The following NRXN1 variants were observed in gnomAD, a reference collection of about 807,000 sequenced individuals.
The protein encoded by NRXN1 is neurexin-1.
NRXN1 carries 39 observed loss-of-function variants against 150.9 expected under a neutral mutation model. The ratio of observed to expected loss-of-function variants is 0.26; its 90% CI spans 0.20 to 0.34. The LOEUF is 0.34. NRXN1 is among the 10% of genes least tolerant of loss of function. The pLI, the probability that NRXN1 is intolerant of heterozygous loss-of-function variation, is 1.00. For synonymous variants in NRXN1, 924 were observed against 757.0 expected (o/e 1.22, Z -3.62); for missense variants, 1,815 against 1,949.9 (o/e 0.93, Z 1.30).
intron 17 of NRXN1, among the ~76,000 whole-genome samples, chr2:50,276,539 C>T (rs913849558): frequency 6.6e-6 from 1 of 152,170 alleles, no homozygotes; most frequent in South Asian, 2.1e-4. Flanking sequence ...AATGGGAATA[C>T]TTACCCTTGG....
intron 18 of NRXN1, among the ~76,000 whole-genome samples, chr2:50,093,473 G>GAA (rs11413489): frequency 8.4e-4 from 119 of 141,024 alleles, no homozygotes; most frequent in Middle Eastern, 3.7e-3. Context: ...AAAAGAAAAA[G>GAA]AAAAAAAAAA....
At chr2:50,250,203 G>T (rs2066908947) in intron 17 of NRXN1, among the ~76,000 whole-genome samples, 1 of 151,948 alleles carries the variant, frequency 6.6e-6, no homozygotes, top group South Asian at 2.1e-4. Context: ...ATGGTAACTT[G>T]GACTACCTTA....
chr2:50,303,543 G>C (rs1554424), intron 17 of NRXN1, among the ~76,000 whole-genome samples: 85,974 of 151,856 alleles, frequency 0.57, 24,535 homozygotes, highest in Non-Finnish European at 0.58. Context: ...TCCACACTTG[G>C]TTATCCCTCT....
At chr2:50,360,284 G>A (rs2079096005) in intron 17 of NRXN1, among the ~76,000 whole-genome samples, 1 of 152,196 alleles carries the variant, frequency 6.6e-6, no homozygotes, top group African/African-American at 2.4e-5. Flanking sequence ...ATGTAAATGG[G>A]CCAAATGCCC....
intron 2 of NRXN1, among the ~76,000 whole-genome samples, chr2:50,956,852 G>A (rs976064785): frequency 2.0e-5 from 3 of 152,068 alleles, no homozygotes; most frequent in Non-Finnish European, 2.9e-5. Context: ...CAAACTCAAT[G>A]AGGAGGTAAT....
Position 50,653,384 on chromosome 2 carries a change from C to A in NRXN1, c.833-29769G>T, listed in dbSNP as rs534243867. Among the ~76,000 whole-genome samples the A allele has an allele frequency of 5.4e-4, 82 of 152,082 alleles. 1 individual carries two copies. The highest frequency in any genetic ancestry group is 1.8e-3 in the African/African-American group (74 of 41,538). On this transcript the variant is annotated intron_variant, in intron 5 of 22. Coordinates refer to ENST00000401669, the MANE Select transcript of NRXN1 (RefSeq NM_001330078.2). ...GTTTGCCTTATATAGTCGTATTTGG[C>A]AGCTTTCAGTCTCTTAATGGCTGGA...
chr2:50,385,708 C>A (rs2081288178), intron 17 of NRXN1, among the ~76,000 whole-genome samples: 1 of 152,114 alleles, frequency 6.6e-6, no homozygotes, highest in Admixed American at 6.6e-5. Flanking sequence ...ACCTTCATCA[C>A]TTAGAATACC....
At chr2:50,434,798 A>G (rs2085288864) in intron 17 of NRXN1, among the ~76,000 whole-genome samples, 3 of 150,480 alleles carry the variant, frequency 2.0e-5, no homozygotes, top group South Asian at 4.1e-4. Context: ...TGCTCTCATA[A>G]GACTATTTTT....
At chr2:50,290,816 C>T (rs1247576365) in intron 17 of NRXN1, among the ~76,000 whole-genome samples, 1 of 152,022 alleles carries the variant, frequency 6.6e-6, no homozygotes, top group Non-Finnish European at 1.5e-5. Flanking sequence ...AACATGGGGC[C>T]AAGAAAGGAA....
At chr2:50,274,142 A>G (rs1012122432) in intron 17 of NRXN1, among the ~76,000 whole-genome samples, 1 of 152,176 alleles carries the variant, frequency 6.6e-6, no homozygotes, top group Non-Finnish European at 1.5e-5. Context: ...TCCATCAATG[A>G]CAGACTGGAT....
intron 2 of NRXN1, among the ~76,000 whole-genome samples, chr2:50,956,075 G>A (rs1293358929): frequency 5.9e-5 from 9 of 152,064 alleles, no homozygotes; most frequent in African/African-American, 2.2e-4. Context: ...TTCCAGGGAA[G>A]CAAGGCTAAT....
Position 50,552,726 on chromosome 2 carries a change from G to A in NRXN1, c.1620C>T (p.Phe540=), listed in dbSNP as rs1667707843. Residue 540 remains phenylalanine, a synonymous_variant, in exon 9 of 23, where the codon TTC becomes TTT. Transcript: ENST00000401669. ...AKHPQMIKVD[F]FAIEMLDGHL... ...GGCCATCTAGCATCTCAATAGCAAA[G>A]AAGTCCACCTTTATCATCTGTGGGT... is the stretch of plus-strand genomic sequence containing the variant. 1 of 1,613,826 alleles carries A rather than the reference G, an allele frequency of 6.2e-7. No individual in the cohort carries two copies. Among genetic ancestry groups the A allele is most frequent in the Non-Finnish European group, 8.5e-7 (1 of 1,179,876 alleles).
chr2:50,326,523 A>T (rs2076394312), intron 17 of NRXN1, among the ~76,000 whole-genome samples: 1 of 152,188 alleles, frequency 6.6e-6, no homozygotes, highest in Non-Finnish European at 1.5e-5. Flanking sequence ...GAAGAGAAAG[A>T]TGGAAATACC....
At chr2:50,237,701 C>T (rs2065591386) in intron 17 of NRXN1, among the ~76,000 whole-genome samples, 1 of 151,794 alleles carries the variant, frequency 6.6e-6, no homozygotes, top group South Asian at 2.1e-4. Flanking sequence ...TCAAATTTTA[C>T]CTTATGGTTG....
intron 5 of NRXN1, among the ~76,000 whole-genome samples, chr2:50,775,854 A>T (rs913531700): frequency 7.9e-5 from 12 of 152,226 alleles, no homozygotes; most frequent in African/African-American, 2.6e-4. Flanking sequence ...CTCTCAGTTT[A>T]TCCAGGGTGA....
intron 18 of NRXN1, among the ~76,000 whole-genome samples, chr2:50,147,927 C>G (rs2058445352): frequency 6.6e-6 from 1 of 151,562 alleles, no homozygotes; most frequent in Non-Finnish European, 1.5e-5. Flanking sequence ...GGAATCCTAG[C>G]TTACAAAGTC....
chr2:50,418,809 T>TA (rs1342652364), intron 17 of NRXN1, among the ~76,000 whole-genome samples: 3 of 152,106 alleles, frequency 2.0e-5, no homozygotes, highest in Admixed American at 6.6e-5. Context: ...GCTATAGTAA[T>TA]AAAAATATTA....
At chr2:50,351,224 A>G (rs542262448) in intron 17 of NRXN1, among the ~76,000 whole-genome samples, 1 of 152,310 alleles carries the variant, frequency 6.6e-6, no homozygotes, top group East Asian at 1.9e-4. Flanking sequence ...GTTTTTGGCT[A>G]ACTGTAATGT....
chr2:50,729,221 C>T (rs1445128308), intron 5 of NRXN1, among the ~76,000 whole-genome samples: 1 of 152,100 alleles, frequency 6.6e-6, no homozygotes, highest in Non-Finnish European at 1.5e-5. Context: ...TCTCTAAGAA[C>T]TGGATGATCT....
Sources: gnomAD v4.1 joint callset for allele counts (sites outside exome capture counted in the v4.1 genomes callset) on GRCh38, gnomAD v4.1.1 for gene constraint, MANE v1.5 for transcripts, NCBI Gene and HGNC (gene_info 2026-07-23, HGNC 2026-07-21) for gene names.